Variants in FGFR3 observed in about 807,000 individuals in gnomAD.
FGFR3 encodes the protein fibroblast growth factor receptor 3.
In FGFR3, 25 loss-of-function variants were observed where a neutral mutation model predicts 82.9. The ratio of observed to expected loss-of-function variants is 0.30; its 90% confidence interval spans 0.22 to 0.42. FGFR3 has a LOEUF of 0.42. Ranked by LOEUF, FGFR3 falls within the 10% of genes least tolerant of loss-of-function variation. FGFR3 has a pLI of 1.00. For missense variants in FGFR3, 1,026 were observed against 1,161.0 expected, an observed-to-expected ratio of 0.88 and a Z score of 1.69; for synonymous variants, 620 against 516.0, an observed-to-expected ratio of 1.20 and a Z score of -2.73.
rs762861735 is a variant in FGFR3, at chr4:1,806,500, C to T, written c.2031-46C>T. The T allele has an allele frequency of 3.7e-6, 6 of 1,612,626 alleles. No individual in the cohort carries two copies. In the South Asian group the frequency reaches 4.4e-5, roughly 12 times the overall value. On this transcript the variant is annotated intron_variant, in intron 15 of 17. Transcript: ENST00000440486. Reference sequence around the variant, plus strand: ...ATTCCCCTGGTGCCCGCCCAGGTGTCTGTCCTGGGAGTCTCAGGACAGCCT... The same window carrying T: ...ATTCCCCTGGTGCCCGCCCAGGTGTTTGTCCTGGGAGTCTCAGGACAGCCT...
rs745558716 is a variant in FGFR3 at position 1,804,295 on chromosome 4, G to T, written c.1076-35G>T. ...TCCATGGGAGCCCCGTGGGGGGGGGGGCCAGGCCAGGCCTCAACGCCCATG... is the reference window on the plus strand; with the variant it reads ...TCCATGGGAGCCCCGTGGGGGGGGGTGCCAGGCCAGGCCTCAACGCCCATG... On this transcript the variant is annotated intron_variant, in intron 8 of 17. Transcript: ENST00000440486. 6.0e-5 allele frequency: 94 copies of T among 1,556,550 alleles called. No homozygotes were observed. The Admixed American group carries it at 7.3e-4, about 12-fold the overall frequency.
intron 7 of FGFR3, chr4:1,802,992 C>T: frequency 6.3e-7 from 1 of 1,599,828 alleles, no homozygotes; most frequent in Non-Finnish European, 8.5e-7. Flanking sequence ...GGGCGAGTAC[C>T]TCTGTCGAGC....
At chr4:1,794,412 T>G (rs1295879833) in intron 2 of FGFR3, among the ~76,000 whole-genome samples, 2 of 152,090 alleles carry the variant, frequency 1.3e-5, no homozygotes, top group African/African-American at 4.8e-5. Context: ...TTCCCATTGT[T>G]GGCGTCCCCC....
At position 1,799,574 on chromosome 4, in the gene FGFR3, C is replaced by T. The variant is rs554463206; in HGVS notation, c.379+51C>T. On this transcript the variant is annotated intron_variant, in intron 3 of 17. Transcript: ENST00000440486. ...CAGAAAGGAGCCGAGTGCCGGGCTC[C>T]CTGAGTCCCTGCGTGGGTCAGGAGC... 4 of 1,549,734 alleles carry T rather than the reference C, an allele frequency of 2.6e-6. No homozygotes were observed. In the Admixed American group the frequency reaches 5.9e-5, roughly 23 times the overall value.
At chr4:1,795,374 C>T (rs1030998045) in intron 2 of FGFR3, among the ~76,000 whole-genome samples, 3 of 151,892 alleles carry the variant, frequency 2.0e-5, no homozygotes, top group African/African-American at 4.8e-5. Context: ...TCTCCTGGAC[C>T]CCCTGCGGGC....
intron 15 of FGFR3, 57 bp downstream of exon 15, chr4:1,806,384 A>G (rs1173429650): frequency 1.9e-6 from 3 of 1,607,724 alleles, no homozygotes; most frequent in African/African-American, 1.3e-5. Flanking sequence ...GGGCAGAGCC[A>G]GGACCCCAGC....
chr4:1,804,429 C>G lies in FGFR3; in HGVS notation c.1175C>G (p.Ala392Gly), dbSNP rs1721609504. The part of the protein sequence containing the change: ...GFFLFILVVA[A>G]VTLCRLRSPP... The stretch of plus-strand genomic sequence containing the variant: ...TTCCTGTTCATCCTGGTGGTGGCGG[C>G]TGTGACGCTCTGCCGCCTGCGCAGC... Residue 392 changes from alanine (A) to glycine (G), a missense_variant, in exon 9 of 18, where the codon GCT (alanine) becomes GGT (glycine). Coordinates refer to ENST00000440486, the MANE Select transcript of FGFR3 (RefSeq NM_000142.5). 1 of 1,612,670 alleles carries G rather than the reference C, an allele frequency of 6.2e-7. No homozygotes were observed. The highest frequency in any genetic ancestry group is 2.2e-5 in the East Asian group (1 of 44,882).
Position 1,801,393 on chromosome 4 carries a change from C to T in FGFR3, c.472C>T (p.Arg158Trp), listed in dbSNP as rs1162571458. 1.0e-5 allele frequency: 16 copies of T among 1,556,882 alleles called. No homozygotes were observed. The East Asian group carries it at 1.7e-4, about 16-fold the overall frequency. Residue 158 changes from arginine to tryptophan, a missense_variant, in exon 5 of 18, where the codon CGG becomes TGG. Physicochemically the swap from Arg to Trp is moderately radical, Grantham distance 101. Transcript: ENST00000440486. ...GGCCCCTTACTGGACACGGCCCGAGCGGATGGACAAGAAGCTGCTGGCCGT... is the reference window on the plus strand; with the variant it reads ...GGCCCCTTACTGGACACGGCCCGAGTGGATGGACAAGAAGCTGCTGGCCGT... ...TGAPYWTRPE[R>W]MDKKLLAVPA...
chr4:1,801,596 T>TCACC, intron 5 of FGFR3, 24 bp from the exon 6 acceptor site: 1 of 1,597,658 alleles, frequency 6.3e-7, no homozygotes, highest in Non-Finnish European at 8.5e-7. Flanking sequence ...CTCCGCTCAC[T>TCACC]CACCCGCCCG....
chr4:1,805,015 TG>T, intron 10 of FGFR3, 46 bp downstream of exon 10: 2 of 1,514,272 alleles, frequency 1.3e-6, no homozygotes. Context: ...GGCTTGGTGG[TG>T]GGGGTGAAAC....
chr4:1,802,511 GGACGGTTGC>G (rs954426035), intron 7 of FGFR3, among the ~76,000 whole-genome samples: 4 of 152,218 alleles, frequency 2.6e-5, no homozygotes, highest in African/African-American at 9.6e-5. Flanking sequence ...CACTGAATTG[GGACGGTTGC>G]GACACTCAAA....
intron 8 of FGFR3, 119 bp from the exon 9 acceptor site, chr4:1,804,211 G>A (rs745948619): frequency 6.0e-5 from 69 of 1,154,840 alleles, no homozygotes; most frequent in Non-Finnish European, 7.8e-5. Context: ...CAAGGCGCGT[G>A]CTGAGGTTCT....
Position 1,797,770 on chromosome 4 carries a change from C to G in FGFR3, c.110-1484C>G, listed in dbSNP as rs193128706. Among the ~76,000 whole-genome samples the G allele has an allele frequency of 2.0e-5, 3 of 152,140 alleles. No homozygotes were observed. The South Asian group carries it at 6.2e-4, about 32-fold the overall frequency. On this transcript the variant is annotated intron_variant, in intron 2 of 17. Transcript: ENST00000440486. The stretch of plus-strand genomic sequence containing the variant: ...CCTTGAGCTGTGGGTCCCGGTGGGG[C>G]GAGGGCTCCTTCGGATGCTTCAGGG...
At chr4:1,797,697 AG>A (rs2108766185) in intron 2 of FGFR3, among the ~76,000 whole-genome samples, 1 of 152,218 alleles carries the variant, frequency 6.6e-6, no homozygotes, top group Admixed American at 6.5e-5. Context: ...GGAGGGCTGG[AG>A]GTCAGGCCAG....
Position 1,806,600 on chromosome 4 carries a change from C to T in FGFR3, c.2085C>T (p.Tyr695=), listed in dbSNP as rs906345557. The change falls in exon 16 of 18, where the codon TAC becomes TAT. Residue 695 remains tyrosine (Y), a synonymous_variant. Transcript: ENST00000440486. ...WEIFTLGGSP[Y]PGIPVEELFK... ...TCTTCACGCTGGGGGGCTCCCCGTA[C>T]CCCGGCATCCCTGTGGAGGAGCTCT... 1 of 1,613,190 alleles carries T rather than the reference C, an allele frequency of 6.2e-7. No individual in the cohort carries two copies. Among genetic ancestry groups the T allele is most frequent in the Admixed American group, 1.7e-5 (1 of 60,016 alleles).
intron 4 of FGFR3, among the ~76,000 whole-genome samples, chr4:1,800,220 C>T (rs947753078): frequency 1.3e-5 from 2 of 151,934 alleles, no homozygotes; most frequent in South Asian, 2.1e-4. Flanking sequence ...GCCGGGGCAC[C>T]TGCCACAACC....
chr4:1,800,987 G>A (rs1721105030), intron 4 of FGFR3, among the ~76,000 whole-genome samples: 1 of 152,174 alleles, frequency 6.6e-6, no homozygotes, highest in African/African-American at 2.4e-5. Context: ...CTCCTCTCCT[G>A]GTAAACTGCT....
chr4:1,802,931 T>C (rs1487399963), intron 7 of FGFR3: 2 of 1,600,914 alleles, frequency 1.2e-6, no homozygotes, highest in East Asian at 2.3e-5. Context: ...TCAGTGAGAG[T>C]GTGGAGGCCG....
At position 1,801,944 on chromosome 4, in the gene FGFR3, C is replaced by T. The variant is rs762686049; in HGVS notation, c.849C>T (p.Pro283=). The T allele has an allele frequency of 6.2e-7, 1 of 1,612,770 alleles. No individual in the cohort carries two copies. The highest frequency in any genetic ancestry group is 8.5e-7 in the Non-Finnish European group (1 of 1,179,864). ...GCAAGGTGTACAGTGACGCACAGCCCCACATCCAGTGGCTCAAGCACGTGG... is the reference window on the plus strand; with the variant it reads ...GCAAGGTGTACAGTGACGCACAGCCTCACATCCAGTGGCTCAAGCACGTGG... ...FHCKVYSDAQ[P]HIQWLKHVEV... The change falls in exon 7 of 18, where the codon CCC becomes CCT. Residue 283 remains proline, a synonymous_variant. Transcript: ENST00000440486.
Sources: allele counts gnomAD v4.1 joint callset (sites outside exome capture counted in the v4.1 genomes callset), GRCh38; gene constraint gnomAD v4.1.1; transcripts MANE v1.5; gene names NCBI Gene and HGNC (gene_info 2026-07-23, HGNC 2026-07-21).